The following BCKDHB variants were observed in gnomAD, a reference collection of about 807,000 sequenced individuals.
BCKDHB encodes the protein 2-oxoisovalerate dehydrogenase subunit beta, mitochondrial.
A neutral mutation model predicts 48.5 loss-of-function variants in BCKDHB; 41 were observed. The observed-to-expected ratio is 0.85, with a 90% CI of 0.66 to 1.10. The LOEUF (loss-of-function observed/expected upper bound fraction) is 1.10. Among genes scored for constraint, BCKDHB ranks in the 50% least tolerant of loss-of-function variants. The probability of loss-of-function intolerance (pLI) is 0.00; values close to 1 mark genes in which losing one functional copy is unlikely to be tolerated. For synonymous variants in BCKDHB, 201 were observed against 174.8 expected, an observed-to-expected ratio of 1.15 and a Z score of -1.18; for missense variants, 496 against 494.2, an observed-to-expected ratio of 1.00 and a Z score of -0.03.
At chr6:80,430,513 G>A in the BCKDHB span, among the ~76,000 whole-genome samples, 1 of 151,966 alleles carries the variant, frequency 6.6e-6, no homozygotes, top group Non-Finnish European at 1.5e-5. Flanking sequence ...TTGGTTGGTA[G>A]GCTATTAATT....
At chr6:80,350,107 C>T (rs923199774), downstream of BCKDHB, among the ~76,000 whole-genome samples, 3 of 151,484 alleles carry the variant, frequency 2.0e-5, no homozygotes, top group South Asian at 2.1e-4. Flanking sequence ...AGTAAATATT[C>T]GAACTACATG....
chr6:80,317,482 C>T (rs139295636), intron 9 of BCKDHB, among the ~76,000 whole-genome samples: 2 of 152,152 alleles, frequency 1.3e-5, no homozygotes, highest in Admixed American at 6.5e-5. Flanking sequence ...AATTGCATCT[C>T]GCGCATCTCG....
In BCKDHB at chr6:80,158,279, G is replaced by A. The variant is rs141287934; in HGVS notation, c.344-9399G>A. Among the ~76,000 whole-genome samples the A allele has an allele frequency of 1.7e-3, 264 of 152,236 alleles. 1 individual carries two copies. Among genetic ancestry groups the A allele is most frequent in the African/African-American group, 6.0e-3 (250 of 41,548 alleles). Reference sequence around the variant, plus strand: ...AAGCATTTACTAAGCACATACATTTGTTTCTGGTTGATTTTTATCTTCTTT... The same window carrying A: ...AAGCATTTACTAAGCACATACATTTATTTCTGGTTGATTTTTATCTTCTTT... On this transcript the variant is annotated intron_variant, in intron 3 of 9. Coordinates refer to ENST00000320393, the MANE Select transcript of BCKDHB (RefSeq NM_183050.4).
intron 1 of BCKDHB, among the ~76,000 whole-genome samples, chr6:80,124,422 A>C (rs1770223466): frequency 6.6e-6 from 1 of 152,154 alleles, no homozygotes; most frequent in African/African-American, 2.4e-5. Context: ...CTTGGTGCAG[A>C]GCTGAGTTCA....
the BCKDHB span, among the ~76,000 whole-genome samples, chr6:80,426,230 A>T: frequency 6.6e-6 from 1 of 152,096 alleles, no homozygotes; most frequent in Admixed American, 6.6e-5. Context: ...TTGATACTGC[A>T]CTCTATAGGA....
At chr6:80,455,394 C>A in the BCKDHB span, among the ~76,000 whole-genome samples, 2 of 151,816 alleles carry the variant, frequency 1.3e-5, no homozygotes, top group Non-Finnish European at 2.9e-5. Flanking sequence ...CATGTCGCAT[C>A]TCCTCAAGAC....
the BCKDHB span, among the ~76,000 whole-genome samples, chr6:80,415,438 A>G: frequency 6.6e-6 from 1 of 152,028 alleles, no homozygotes; most frequent in Non-Finnish European, 1.5e-5. Context: ...TTATTTTGAG[A>G]TGTTTGTTAA....
At chr6:80,200,866 A>G in intron 6 of BCKDHB, 68 bp from the exon 7 acceptor site, 1 of 1,276,178 alleles carries the variant, frequency 7.8e-7, no homozygotes, top group Non-Finnish European at 1.1e-6. Context: ...GAGCTTCTTA[A>G]ATTATTTTAT....
the BCKDHB span, among the ~76,000 whole-genome samples, chr6:80,438,652 A>G: frequency 6.6e-6 from 1 of 152,340 alleles, no homozygotes; most frequent in African/African-American, 2.4e-5. Flanking sequence ...AAATTAAAAT[A>G]TACACTTGTG....
rs138536959 is a variant in BCKDHB, at chr6:80,145,818, A to G, written c.343+16589A>G. Among the ~76,000 whole-genome samples the G allele has an allele frequency of 1.7e-3, 262 of 152,274 alleles. 1 individual carries two copies. The highest frequency in any genetic ancestry group is 6.0e-3 in the African/African-American group (248 of 41,574). ...GGAAGTAGGTAGTTACTGTTGAAGT[A>G]TAATAAACACCACCAGGCTTTGTCT... On this transcript the variant is annotated intron_variant, in intron 3 of 9. Coordinates refer to ENST00000320393, the MANE Select transcript of BCKDHB (RefSeq NM_183050.4).
At chr6:80,406,718 G>A in the BCKDHB span, among the ~76,000 whole-genome samples, 1 of 152,046 alleles carries the variant, frequency 6.6e-6, no homozygotes, top group Admixed American at 6.6e-5. Flanking sequence ...ATTTTTTCTT[G>A]TAAATTTGTT....
chr6:80,306,233 T>C (rs2127993795), intron 9 of BCKDHB, among the ~76,000 whole-genome samples: 1 of 152,334 alleles, frequency 6.6e-6, no homozygotes, highest in East Asian at 1.9e-4. Context: ...TGTTAAATTG[T>C]ATTCAAATAG....
intron 9 of BCKDHB, among the ~76,000 whole-genome samples, chr6:80,292,504 T>C (rs555541292): frequency 1.3e-5 from 2 of 152,142 alleles, no homozygotes; most frequent in Non-Finnish European, 2.9e-5. Context: ...CATGATTCAG[T>C]TACCTCCCAC....
At chr6:80,394,686 T>A in the BCKDHB span, among the ~76,000 whole-genome samples, 9 of 152,196 alleles carry the variant, frequency 5.9e-5, no homozygotes, top group Non-Finnish European at 1.2e-4. Flanking sequence ...CTAGGAGGAT[T>A]TCCAGCTGTC....
At chr6:80,430,998 C>T in the BCKDHB span, among the ~76,000 whole-genome samples, 1 of 152,064 alleles carries the variant, frequency 6.6e-6, no homozygotes, top group Admixed American at 6.5e-5. Context: ...TAAATGTGGC[C>T]CAGAGATTCT....
At chr6:80,320,831 A>G (rs761055545) in intron 9 of BCKDHB, among the ~76,000 whole-genome samples, 1 of 152,322 alleles carries the variant, frequency 6.6e-6, no homozygotes, top group African/African-American at 2.4e-5. Flanking sequence ...TCACTTATAC[A>G]TGTACAACAA....
intron 8 of BCKDHB, among the ~76,000 whole-genome samples, chr6:80,238,172 A>T (rs1249179012): frequency 6.6e-6 from 1 of 152,134 alleles, no homozygotes; most frequent in Non-Finnish European, 1.5e-5. Flanking sequence ...ATCTTGGCTT[A>T]TAGCAACCTC....
intron 9 of BCKDHB, among the ~76,000 whole-genome samples, chr6:80,277,792 G>A (rs1778031266): frequency 2.0e-5 from 3 of 151,572 alleles, no homozygotes; most frequent in Admixed American, 2.0e-4. Context: ...TAAGAACTCA[G>A]AAACTGTGGA....
At chr6:80,249,003 A>G (rs949601762) in intron 8 of BCKDHB, among the ~76,000 whole-genome samples, 1 of 151,550 alleles carries the variant, frequency 6.6e-6, no homozygotes, top group Non-Finnish European at 1.5e-5. Flanking sequence ...TGTATTTGGT[A>G]GGCTTCCTGG....
Sources: gnomAD v4.1 joint callset for allele counts (sites outside exome capture counted in the v4.1 genomes callset) on GRCh38, gnomAD v4.1.1 for gene constraint, MANE v1.5 for transcripts, NCBI Gene and HGNC (gene_info 2026-07-23, HGNC 2026-07-21) for gene names.